MROH1: variants seen among roughly 807,000 people sequenced by gnomAD.
MROH1 encodes maestro heat like repeat family member 1, also known as maestro heat-like repeat-containing protein family member 1.
MROH1 carries 117 observed loss-of-function variants against 116.5 expected under a neutral mutation model. That is an observed-to-expected ratio of 1.00 (90% CI 0.86 to 1.17). The LOEUF (loss-of-function observed/expected upper bound fraction) is 1.17, where lower values mean the gene tolerates loss of function less well. Ranked by LOEUF, MROH1 falls within the 50% of genes most tolerant of loss-of-function variation. The pLI is 0.00. For synonymous variants in MROH1, 921 were observed against 583.9 expected, an observed-to-expected ratio of 1.58 and a Z score of -8.32; for missense variants, 1,873 against 1,338.5, an observed-to-expected ratio of 1.40 and a Z score of -6.23.
chr8:144,259,309 T>C lies in MROH1; in HGVS notation c.3999T>C (p.Ser1333=), dbSNP rs1001152200. 1,023 of 715,080 alleles carry C rather than the reference T, an allele frequency of 1.4e-3. 3 individuals carry two copies. Among genetic ancestry groups the C allele is most frequent in the Non-Finnish European group, 2.4e-3 (928 of 384,878 alleles). The allele number at this position is 715,080 out of a possible 1,614,324, so 44.3% of individuals were successfully genotyped here. The change falls in exon 37 of 44, where the codon AGT becomes AGC. Residue 1333 remains serine (S), a synonymous_variant. Coordinates refer to ENST00000326134, the MANE Select transcript of MROH1 (RefSeq NM_032450.3). ...VLKTLACTHS[S]AYENQRVTTT... The stretch of plus-strand genomic sequence containing the variant: ...AGACGCTGGCATGCACACACAGCAG[T>C]GCGTATGAGAACCAGAGGGTGACCA...
At chr8:144,208,234 A>C (rs1833295959) in intron 12 of MROH1, among the ~76,000 whole-genome samples, 1 of 152,088 alleles carries the variant, frequency 6.6e-6, no homozygotes, top group Non-Finnish European at 1.5e-5. Flanking sequence ...GTGAGCCACC[A>C]CACCCGGCCT....
chr8:144,221,450 A>G (rs1353602850), intron 13 of MROH1, among the ~76,000 whole-genome samples: 2 of 151,698 alleles, frequency 1.3e-5, no homozygotes, highest in Non-Finnish European at 2.9e-5. Flanking sequence ...CACCCAGGTT[A>G]CCCAGGGGCT....
At chr8:144,152,125 A>G (rs1430255301) in intron 1 of MROH1, among the ~76,000 whole-genome samples, 3 of 152,268 alleles carry the variant, frequency 2.0e-5, no homozygotes, top group Non-Finnish European at 2.9e-5. Flanking sequence ...TTAACTATAA[A>G]TGAAGCACAA....
intron 4 of MROH1, chr8:144,175,532 C>T (rs945399101): frequency 4.1e-6 from 4 of 985,378 alleles, no homozygotes; most frequent in Non-Finnish European, 4.8e-6. Flanking sequence ...AGTTAATCCA[C>T]CCACTTAGAG....
At chr8:144,212,106 T>A (rs144474567) in intron 12 of MROH1, among the ~76,000 whole-genome samples, 41 of 151,860 alleles carry the variant, frequency 2.7e-4, no homozygotes, top group African/African-American at 9.2e-4. Flanking sequence ...GTTTTTGAGA[T>A]GGAGTCTCAC....
intron 7 of MROH1, among the ~76,000 whole-genome samples, chr8:144,187,239 C>G (rs945613765): frequency 6.6e-6 from 1 of 151,994 alleles, no homozygotes; most frequent in African/African-American, 2.4e-5. Context: ...AGTGAGACCT[C>G]TGTTTCTAAA....
At chr8:144,169,315 A>G (rs1821822424) in intron 4 of MROH1, among the ~76,000 whole-genome samples, 1 of 152,124 alleles carries the variant, frequency 6.6e-6, no homozygotes, top group Admixed American at 6.6e-5. Flanking sequence ...GGGGAAGATG[A>G]CCCAGTTCCA....
chr8:144,191,020 GGGT>G, intron 8 of MROH1, 85 bp downstream of exon 8: 1 of 1,466,572 alleles, frequency 6.8e-7, no homozygotes, highest in Non-Finnish European at 9.2e-7. Context: ...ATTGATCAGA[GGGT>G]GGTGGTGTTG....
At chr8:144,238,194 C>A (rs1292101205) in intron 14 of MROH1, among the ~76,000 whole-genome samples, 1 of 145,448 alleles carries the variant, frequency 6.9e-6, no homozygotes, top group Admixed American at 6.8e-5. Flanking sequence ...GTGTGACTTT[C>A]AGCTTCTGAA....
In MROH1 at chr8:144,255,571, C is replaced by G; in HGVS notation, c.3657C>G (p.Leu1219=). 2.6e-6 allele frequency: 2 copies of G among 779,418 alleles called. No individual in the cohort carries two copies. Among genetic ancestry groups the G allele is most frequent in the Non-Finnish European group, 2.4e-6 (1 of 417,794 alleles). The allele number at this position is 779,418 out of a possible 1,614,324, so 48.3% of individuals were successfully genotyped here. ...CAGCGGGGCCCGCGGTGCTCGAGCTCTACCCCCAGCTGTTTGTGGTGCTTC... is the reference window on the plus strand; with the variant it reads ...CAGCGGGGCCCGCGGTGCTCGAGCTGTACCCCCAGCTGTTTGTGGTGCTTC... The part of the protein sequence containing the change: ...TPAAGPAVLE[L]YPQLFVVLLL... Residue 1219 remains leucine, a synonymous_variant, in exon 35 of 44, where the codon CTC becomes CTG. Transcript: ENST00000326134.
rs548280630 is a variant in MROH1, at chr8:144,223,197, C to T, written c.1305C>T (p.Ile435=). 2.5e-5 allele frequency: 40 copies of T among 1,610,948 alleles called. No homozygotes were observed. In the East Asian group the frequency reaches 8.0e-4, roughly 32 times the overall value. ...GAGGTGAGGCGATGATCGAGTACATCGTGCAGCAGTGCGCGCTGCCCCCCG... is the reference window on the plus strand; with the variant it reads ...GAGGTGAGGCGATGATCGAGTACATTGTGCAGCAGTGCGCGCTGCCCCCCG... The part of the protein sequence containing the change: ...QPGGEAMIEY[I]VQQCALPPEQ... The change falls in exon 14 of 44, where the codon ATC becomes ATT. Residue 435 remains isoleucine (I), a synonymous_variant. Coordinates refer to ENST00000326134, the MANE Select transcript of MROH1 (RefSeq NM_032450.3).
chr8:144,250,366 G>A lies in MROH1; in HGVS notation c.3428G>A (p.Ser1143Asn). The A allele has an allele frequency of 1.3e-6, 1 of 762,236 alleles. No homozygotes were observed. Among genetic ancestry groups the A allele is most frequent in the Non-Finnish European group, 2.4e-6 (1 of 412,778 alleles). The allele number at this position is 762,236 out of a possible 1,614,324, so 47.2% of individuals were successfully genotyped here. A position where few individuals can be genotyped will look rare whatever the true frequency, so the allele number is the denominator to read the frequency against. ...SLLGSPLPLD[S>N]HTCMLWRALA... ...CTGGGCAGCCCCTTGCCCTTGGACA[G>A]GTACCCAGCTCAGACTCCAGGCTTA... Residue 1143 changes from serine (S) to asparagine (N), a missense_variant and splice_region_variant, in exon 33 of 44, where the codon AGC (serine) becomes AAC (asparagine). Coordinates refer to ENST00000326134, the MANE Select transcript of MROH1 (RefSeq NM_032450.3).
intron 26 of MROH1, 69 bp downstream of exon 26, chr8:144,244,011 T>C (rs1254515958): frequency 2.7e-6 from 2 of 751,984 alleles, no homozygotes; most frequent in African/African-American, 3.4e-5. Context: ...GCATTGTGTG[T>C]GCACGTGTAT....
chr8:144,195,027 T>C (rs551379562), intron 10 of MROH1, among the ~76,000 whole-genome samples: 4 of 151,154 alleles, frequency 2.6e-5, no homozygotes, highest in Non-Finnish European at 5.9e-5. Context: ...CTATCTACAA[T>C]AGCAACAGAA....
intron 14 of MROH1, among the ~76,000 whole-genome samples, chr8:144,236,479 G>A (rs1485683413): frequency 9.2e-5 from 14 of 152,250 alleles, no homozygotes; most frequent in Non-Finnish European, 1.8e-4. Flanking sequence ...GGTGGCTCAC[G>A]CCTGTAATCC....
intron 14 of MROH1, among the ~76,000 whole-genome samples, chr8:144,231,681 ATAT>A (rs1346371377): frequency 1.3e-5 from 2 of 152,200 alleles, no homozygotes; most frequent in Non-Finnish European, 1.5e-5. Flanking sequence ...CACAGATATA[ATAT>A]TAATGAAACA....
At chr8:144,246,035 C>T (rs1197071841) in intron 29 of MROH1, among the ~76,000 whole-genome samples, 1 of 120,696 alleles carries the variant, frequency 8.3e-6, no homozygotes, top group African/African-American at 4.4e-5. Context: ...CCCTCACCTC[C>T]CTCCCTTCCT....
intron 43 of MROH1, 100 bp downstream of exon 43, chr8:144,261,449 G>A (rs1845045207): frequency 1.4e-6 from 1 of 699,674 alleles, no homozygotes; most frequent in Middle Eastern, 3.7e-4. Context: ...CTTTTTCCCT[G>A]TCACTGGTGA....
chr8:144,218,837 C>T (rs1588273257), intron 12 of MROH1, among the ~76,000 whole-genome samples: 1 of 17,738 alleles, frequency 5.6e-5, no homozygotes, highest in Non-Finnish European at 9.8e-5. Flanking sequence ...CCCCTCCTCC[C>T]TTCCCCTCCC....
Sources: allele counts gnomAD v4.1 joint callset (sites outside exome capture counted in the v4.1 genomes callset), GRCh38; gene constraint gnomAD v4.1.1; transcripts MANE v1.5; gene names NCBI Gene and HGNC (gene_info 2026-07-23, HGNC 2026-07-21).